GLB1L3: variants seen among roughly 807,000 people sequenced by gnomAD.
The protein encoded by GLB1L3 is galactosidase beta 1 like 3.
In GLB1L3, 89 loss-of-function variants were observed where a neutral mutation model predicts 89.5. The observed-to-expected ratio is 0.99, with a 90% CI of 0.84 to 1.19. The LOEUF (loss-of-function observed/expected upper bound fraction) is 1.19, where lower values mean the gene tolerates loss of function less well. Ranked by LOEUF, GLB1L3 falls within the 50% of genes most tolerant of loss-of-function variation. The pLI is 0.00. For synonymous variants in GLB1L3, 314 were observed against 312.3 expected (o/e 1.01, Z -0.06); for missense variants, 812 against 813.3 (o/e 1.00, Z 0.02).
chr11:134,310,347 T>G (rs1591585428), intron 11 of GLB1L3: 1 of 543,948 alleles, frequency 1.8e-6, no homozygotes, highest in Non-Finnish European at 3.3e-6. Flanking sequence ...AGTGAAGAAG[T>G]GGGGGCAAGC....
intron 9 of GLB1L3, among the ~76,000 whole-genome samples, chr11:134,299,816 C>T (rs1941847660): frequency 6.6e-6 from 1 of 152,152 alleles, no homozygotes; most frequent in Non-Finnish European, 1.5e-5. Flanking sequence ...TGCTCCTACC[C>T]AGCTCTTCTT....
chr11:134,325,085 A>G, the GLB1L3 span, among the ~76,000 whole-genome samples: 1 of 152,194 alleles, frequency 6.6e-6, no homozygotes, highest in Non-Finnish European at 1.5e-5. Context: ...CTGTTTCCTT[A>G]GGTGCTTCAA....
At chr11:134,284,360 C>T (rs1160174587) in intron 6 of GLB1L3, among the ~76,000 whole-genome samples, 2 of 151,706 alleles carry the variant, frequency 1.3e-5, no homozygotes, top group East Asian at 1.9e-4. Flanking sequence ...ACTTGAAATA[C>T]GTAGATTTGA....
chr11:134,315,590 A>C (rs2136232485), intron 18 of GLB1L3, among the ~76,000 whole-genome samples: 1 of 152,340 alleles, frequency 6.6e-6, no homozygotes, highest in Non-Finnish European at 1.5e-5. Context: ...ATTTTCAAAT[A>C]TATTGCCTTT....
rs1283470613 is a variant in GLB1L3 at position 134,312,487 on chromosome 11, CAGGT to C, written c.1428+2_1428+5del. The C allele has an allele frequency of 6.2e-7, 1 of 1,611,048 alleles. No individual in the cohort carries two copies. Among genetic ancestry groups the C allele is most frequent in the Non-Finnish European group, 8.5e-7 (1 of 1,179,790 alleles). On this transcript the variant is annotated splice_donor_variant and coding_sequence_variant, in exon 14 of 20. Coordinates refer to ENST00000431683, the MANE Select transcript of GLB1L3 (RefSeq NM_001080407.3). LOFTEE classifies it high-confidence loss of function. ...CCGTGCCCACGCTCATGACGTGGCA[CAGGT>C]AGGGCCAGCAGGCTGTCTGTGTGGG...
At chr11:134,310,183 A>G in intron 11 of GLB1L3, 2 of 376,106 alleles carry the variant, frequency 5.3e-6, no homozygotes, top group Non-Finnish European at 9.7e-6. Flanking sequence ...TGGGCCACAC[A>G]TGAAATACAC....
chr11:134,291,458 C>T (rs1251189923), intron 7 of GLB1L3, among the ~76,000 whole-genome samples: 4 of 152,110 alleles, frequency 2.6e-5, no homozygotes, highest in Non-Finnish European at 2.9e-5. Flanking sequence ...GTTGGCCAAG[C>T]TGGTCTCAAA....
At chr11:134,292,922 G>A in intron 8 of GLB1L3, 1 of 611,078 alleles carries the variant, frequency 1.6e-6, no homozygotes, top group Non-Finnish European at 2.9e-6. Context: ...TCTGCACAGA[G>A]TGTGGTTAAT....
intron 7 of GLB1L3, among the ~76,000 whole-genome samples, chr11:134,291,563 A>G (rs944001276): frequency 6.6e-6 from 1 of 152,174 alleles, no homozygotes; most frequent in African/African-American, 2.4e-5. Flanking sequence ...ACTTACCTCT[A>G]GATTACTTCT....
At chr11:134,312,966 T>G in intron 15 of GLB1L3, 79 bp downstream of exon 15, 1 of 960,516 alleles carries the variant, frequency 1.0e-6, no homozygotes. Flanking sequence ...ACAGTCAGCC[T>G]CCCTTCTCCA....
chr11:134,295,213 CTT>C (rs2136157152), intron 9 of GLB1L3, among the ~76,000 whole-genome samples: 1 of 152,288 alleles, frequency 6.6e-6, no homozygotes, highest in South Asian at 2.1e-4. Context: ...TGTTTGGTAA[CTT>C]TCATCACTGA....
intron 3 of GLB1L3, among the ~76,000 whole-genome samples, chr11:134,278,981 T>C (rs1272509238): frequency 6.6e-6 from 1 of 152,226 alleles, no homozygotes; most frequent in East Asian, 1.9e-4. Context: ...ACACATTACA[T>C]ACACACAGAT....
At chr11:134,318,520 T>C (rs578825) in intron 18 of GLB1L3, 111 bp from the exon 19 acceptor site, 415,699 of 670,114 alleles carry the variant, frequency 0.62, 133,177 homozygotes, top group African/African-American at 0.72. Flanking sequence ...AAACTCACCT[T>C]CATTTGAGTG....
At chr11:134,297,047 ATTTTTC>A (rs1357426397) in intron 9 of GLB1L3, among the ~76,000 whole-genome samples, 6 of 151,940 alleles carry the variant, frequency 3.9e-5, no homozygotes, top group Non-Finnish European at 1.5e-5. Flanking sequence ...TAGATTGTTT[ATTTTTC>A]TTTTACGCCT....
chr11:134,308,556 T>TCGC (rs767103525), intron 10 of GLB1L3, among the ~76,000 whole-genome samples: 21 of 57,536 alleles, frequency 3.6e-4, no homozygotes, highest in Admixed American at 2.6e-3. Flanking sequence ...ACCATCACCA[T>TCGC]CACCACCACC....
downstream of GLB1L3, among the ~76,000 whole-genome samples, chr11:134,319,737 TGTGTGTGTGTGC>T (rs1943133614): frequency 7.2e-6 from 1 of 138,726 alleles, no homozygotes; most frequent in Non-Finnish European, 1.6e-5. Flanking sequence ...TGTGTGTGTG[TGTGTGTGTGTGC>T]GCGCGCGCGT....
At chr11:134,325,290 C>T in the GLB1L3 span, among the ~76,000 whole-genome samples, 1 of 152,286 alleles carries the variant, frequency 6.6e-6, no homozygotes, top group East Asian at 1.9e-4. Flanking sequence ...GTTCCACCAT[C>T]TACTATGGAT....
At chr11:134,284,319 G>A (rs985431791) in intron 6 of GLB1L3, among the ~76,000 whole-genome samples, 2 of 151,754 alleles carry the variant, frequency 1.3e-5, no homozygotes, top group African/African-American at 4.9e-5. Flanking sequence ...ATACACACGT[G>A]TCTATGCCTC....
chr11:134,324,953 A>G, the GLB1L3 span, among the ~76,000 whole-genome samples: 1 of 152,054 alleles, frequency 6.6e-6, no homozygotes, highest in Non-Finnish European at 1.5e-5. Flanking sequence ...TTTATACTAC[A>G]TTTTATATTT....
Sources: allele counts gnomAD v4.1 joint callset (sites outside exome capture counted in the v4.1 genomes callset), GRCh38; gene constraint gnomAD v4.1.1; transcripts MANE v1.5; gene names NCBI Gene and HGNC (gene_info 2026-07-23, HGNC 2026-07-21).